Variants in CSMD1 observed in about 807,000 individuals in gnomAD.
CSMD1 encodes the protein CUB and Sushi multiple domains 1.
A neutral mutation model predicts 417.5 loss-of-function variants in CSMD1; 213 were observed. That is an observed-to-expected ratio of 0.51 (90% CI 0.46 to 0.57). CSMD1 has a LOEUF of 0.57. CSMD1 is among the 20% of genes least tolerant of loss of function. CSMD1 has a pLI of 0.00. For missense variants in CSMD1, 6,923 were observed against 4,529.7 expected (o/e 1.53, Z -15.17); for synonymous variants, 2,862 against 1,736.8 (o/e 1.65, Z -16.11).
At chr8:3,095,184 A>G (rs1234640137) in intron 47 of CSMD1, among the ~76,000 whole-genome samples, 2 of 152,194 alleles carry the variant, frequency 1.3e-5, no homozygotes, top group African/African-American at 2.4e-5. Flanking sequence ...CATAAGTTCA[A>G]AATAATTAAA....
At chr8:4,254,839 C>T (rs1275047054) in intron 3 of CSMD1, among the ~76,000 whole-genome samples, 1 of 152,138 alleles carries the variant, frequency 6.6e-6, no homozygotes, top group Admixed American at 6.5e-5. Flanking sequence ...CAGGCTGTAC[C>T]ATCTAGGTGG....
intron 11 of CSMD1, among the ~76,000 whole-genome samples, chr8:3,489,648 G>T (rs921062725): frequency 6.6e-6 from 1 of 152,130 alleles, no homozygotes; most frequent in Admixed American, 6.5e-5. Flanking sequence ...AGGGAAGGTG[G>T]ATTACAGAAG....
In CSMD1 at chr8:4,447,069, G is replaced by C. The variant is rs997764281; in HGVS notation, c.303-27004C>G. Among the ~76,000 whole-genome samples, 4 of 152,180 alleles carry C rather than the reference G, an allele frequency of 2.6e-5. No homozygotes were observed. The East Asian group carries it at 7.7e-4, about 29-fold the overall frequency. On this transcript the variant is annotated intron_variant, in intron 2 of 69. Transcript: ENST00000635120. ...AGCCTGTGTCAGGTCTGCGAGCCTA[G>C]CCTCAGTTATGACAGCGTCTCTTTG...
chr8:4,943,508 TGA>T (rs1491262093), intron 1 of CSMD1, among the ~76,000 whole-genome samples: 2 of 24,466 alleles, frequency 8.2e-5, no homozygotes, highest in Non-Finnish European at 2.1e-4. Flanking sequence ...AAAAATAAAA[TGA>T]AATAAAATAA....
At chr8:4,187,837 G>A (rs760177222) in intron 3 of CSMD1, among the ~76,000 whole-genome samples, 2 of 152,018 alleles carry the variant, frequency 1.3e-5, no homozygotes, top group South Asian at 2.1e-4. Context: ...ATGACTTGCT[G>A]AGACTATTTC....
intron 2 of CSMD1, among the ~76,000 whole-genome samples, chr8:4,432,657 G>T (rs535302144): frequency 2.0e-5 from 3 of 152,214 alleles, no homozygotes; most frequent in East Asian, 3.9e-4. Flanking sequence ...CATGCAGGTG[G>T]AGAGCAGGAG....
At chr8:4,501,907 C>G (rs1420633606) in intron 2 of CSMD1, among the ~76,000 whole-genome samples, 1 of 152,092 alleles carries the variant, frequency 6.6e-6, no homozygotes, top group African/African-American at 2.4e-5. Flanking sequence ...TATGAGGAAT[C>G]TACTGGGGGT....
intron 12 of CSMD1, among the ~76,000 whole-genome samples, chr8:3,417,106 G>C (rs1295216402): frequency 6.6e-6 from 1 of 152,140 alleles, no homozygotes; most frequent in African/African-American, 2.4e-5. Context: ...ATTCTGGATG[G>C]GGTAATACAA....
chr8:4,800,810 C>A (rs1247775219), intron 1 of CSMD1, among the ~76,000 whole-genome samples: 38 of 152,202 alleles, frequency 2.5e-4, no homozygotes, highest in Admixed American at 2.4e-3. Context: ...CTGGGGAGGG[C>A]ACCTGAGTGG....
intron 4 of CSMD1, among the ~76,000 whole-genome samples, chr8:4,008,074 G>C (rs1314640996): frequency 6.6e-6 from 1 of 152,096 alleles, no homozygotes; most frequent in African/African-American, 2.4e-5. Context: ...AAGTCCAGGA[G>C]GTTTTTTCTT....
chr8:3,305,706 C>A (rs529168755), intron 25 of CSMD1, among the ~76,000 whole-genome samples: 1 of 152,120 alleles, frequency 6.6e-6, no homozygotes, highest in Non-Finnish European at 1.5e-5. Context: ...TCTTGAGACA[C>A]AGTCTCACTG....
At chr8:4,209,437 T>A (rs1011967231) in intron 3 of CSMD1, among the ~76,000 whole-genome samples, 5 of 152,138 alleles carry the variant, frequency 3.3e-5, no homozygotes, top group African/African-American at 1.2e-4. Flanking sequence ...GAACTCCTCA[T>A]CAAGCCAAGT....
chr8:3,964,457 T>A (rs1318393500), intron 5 of CSMD1, among the ~76,000 whole-genome samples: 1 of 152,152 alleles, frequency 6.6e-6, no homozygotes, highest in East Asian at 1.9e-4. Flanking sequence ...GAGACACAGG[T>A]GCTGGTATGC....
chr8:3,605,481 C>G (rs1801568247), intron 8 of CSMD1, among the ~76,000 whole-genome samples: 1 of 152,120 alleles, frequency 6.6e-6, no homozygotes. Flanking sequence ...TATCAATACG[C>G]TACAAAAAAT....
At chr8:4,060,961 G>A (rs1490277134) in intron 3 of CSMD1, among the ~76,000 whole-genome samples, 1 of 152,170 alleles carries the variant, frequency 6.6e-6, no homozygotes, top group African/African-American at 2.4e-5. Context: ...AAAGTGTGGA[G>A]GAAAGAGATA....
intron 2 of CSMD1, among the ~76,000 whole-genome samples, chr8:4,597,876 G>A (rs1800370225): frequency 6.6e-6 from 1 of 152,082 alleles, no homozygotes; most frequent in Admixed American, 6.6e-5. Context: ...GAGAGACACA[G>A]ATTAATTAGG....
intron 5 of CSMD1, among the ~76,000 whole-genome samples, chr8:3,935,823 GTCACATGTCTCTATCA>G (rs1563228969): frequency 6.6e-6 from 1 of 152,118 alleles, no homozygotes; most frequent in Non-Finnish European, 1.5e-5. Context: ...GAAAGGAAGA[GTCACATGTCTCTATCA>G]CTTTAAATCA....
intron 12 of CSMD1, among the ~76,000 whole-genome samples, chr8:3,451,720 C>T (rs1344785942): frequency 6.6e-6 from 1 of 152,126 alleles, no homozygotes; most frequent in Middle Eastern, 3.2e-3. Context: ...TTACGGTAGC[C>T]TTGTAATATA....
chr8:3,994,549 T>C (rs968781630), intron 5 of CSMD1, among the ~76,000 whole-genome samples: 1 of 150,566 alleles, frequency 6.6e-6, no homozygotes, highest in Non-Finnish European at 1.5e-5. Flanking sequence ...TAAAGTGAAC[T>C]CAAAATGGCA....
Sources: gnomAD v4.1 joint callset for allele counts (sites outside exome capture counted in the v4.1 genomes callset) on GRCh38, gnomAD v4.1.1 for gene constraint, MANE v1.5 for transcripts, NCBI Gene and HGNC (gene_info 2026-07-23, HGNC 2026-07-21) for gene names.